Variants in SIL1 observed in about 807,000 individuals in gnomAD.
SIL1 encodes SIL1 nucleotide exchange factor, also known as nucleotide exchange factor SIL1.
In SIL1, 40 loss-of-function variants were observed where a neutral mutation model predicts 49.1. That is an observed-to-expected ratio of 0.81 (90% CI 0.63 to 1.06). SIL1 has a LOEUF of 1.06. Among genes scored for constraint, SIL1 ranks in the 50% least tolerant of loss-of-function variants. The pLI is 0.00. For missense variants in SIL1, 500 were observed against 572.6 expected (o/e 0.87, Z 1.29); for synonymous variants, 253 against 250.8 (o/e 1.01, Z -0.08).
chr5:139,157,604 C>T (rs1052544572), intron 1 of SIL1, among the ~76,000 whole-genome samples: 2 of 152,196 alleles, frequency 1.3e-5, no homozygotes, highest in African/African-American at 4.8e-5. Context: ...ACCCAAAATG[C>T]ACTTTTTGAA....
chr5:138,962,397 C>T lies in SIL1; in HGVS notation c.768-10513G>A, dbSNP rs534043823. Among the ~76,000 whole-genome samples, 79 of 151,988 alleles carry T rather than the reference C, an allele frequency of 5.2e-4. 3 individuals are homozygous for T. In the South Asian group the frequency reaches 0.015, roughly 29 times the overall value. On this transcript the variant is annotated intron_variant, in intron 7 of 9. Coordinates refer to ENST00000394817, the MANE Select transcript of SIL1 (RefSeq NM_022464.5). Reference sequence around the variant, plus strand: ...AGTCAGAGAGACCTAGGTGAAAGTCCGAGATTCTAGTGTTTTCAGCTGTGT... The same window carrying T: ...AGTCAGAGAGACCTAGGTGAAAGTCTGAGATTCTAGTGTTTTCAGCTGTGT...
At chr5:138,966,142 TC>T (rs531260647) in intron 7 of SIL1, among the ~76,000 whole-genome samples, 287 of 152,216 alleles carry the variant, frequency 1.9e-3, no homozygotes, top group African/African-American at 6.7e-3. Context: ...TTCAACAAGT[TC>T]AATATTGCTA....
intron 7 of SIL1, among the ~76,000 whole-genome samples, chr5:138,984,908 G>A (rs761132211): frequency 7.2e-5 from 11 of 152,298 alleles, no homozygotes; most frequent in Non-Finnish European, 1.5e-4. Context: ...CTTCTCAGGC[G>A]CTATTCTTCA....
rs113963973 is a variant in SIL1, at chr5:139,158,716, A to G, written c.-10-30863T>C. On this transcript the variant is annotated intron_variant, in intron 1 of 9. Transcript: ENST00000394817. ...AAAGCCTTTCAGTTAATGGCAGATG[A>G]GAAAAAAAGGTAAAATAATTTTTTA... 2.2e-3 allele frequency among the ~76,000 whole-genome samples: 340 copies of G among 152,358 alleles called. 3 individuals carry two copies. Among genetic ancestry groups the G allele is most frequent in the African/African-American group, 7.9e-3 (328 of 41,584 alleles).
At chr5:139,147,244 GT>G (rs1751211644) in intron 1 of SIL1, among the ~76,000 whole-genome samples, 1 of 152,064 alleles carries the variant, frequency 6.6e-6, no homozygotes, top group African/African-American at 2.4e-5. Flanking sequence ...CTCCAAAGAG[GT>G]ATCTAATCTG....
intron 7 of SIL1, among the ~76,000 whole-genome samples, chr5:138,981,964 T>A (rs927595269): frequency 2.6e-5 from 4 of 152,148 alleles, no homozygotes; most frequent in Non-Finnish European, 5.9e-5. Flanking sequence ...ACTAGGCAAG[T>A]ACTTAACCTC....
chr5:139,195,950 C>A (rs1055092275), intron 1 of SIL1, among the ~76,000 whole-genome samples: 1 of 152,058 alleles, frequency 6.6e-6, no homozygotes, highest in Non-Finnish European at 1.5e-5. Context: ...TTTAGGAGGC[C>A]AAGACAGAAG....
At position 139,153,560 on chromosome 5, in the gene SIL1, G is replaced by A. The variant is rs558508747; in HGVS notation, c.-10-25707C>T. ...GGTTCACCCCCTAAGCCAGTTACAC[G>A]CTTGCCACCACAACACCCACTTGCC... On this transcript the variant is annotated intron_variant, in intron 1 of 9. Transcript: ENST00000394817. Among the ~76,000 whole-genome samples, 4 of 152,142 alleles carry A rather than the reference G, an allele frequency of 2.6e-5. No individual in the cohort carries two copies. In the South Asian group the frequency reaches 6.2e-4, roughly 24 times the overall value.
intron 3 of SIL1, among the ~76,000 whole-genome samples, chr5:139,115,261 G>T (rs1256383577): frequency 6.6e-6 from 1 of 152,166 alleles, no homozygotes; most frequent in Non-Finnish European, 1.5e-5. Context: ...AATATGTGTA[G>T]TCTTTGACCC....
rs575535766 is a variant in SIL1, at chr5:139,103,040, C to T, written c.244+17995G>A. 3.3e-5 allele frequency among the ~76,000 whole-genome samples: 5 copies of T among 152,204 alleles called. No homozygotes were observed. In the South Asian group the frequency reaches 1.0e-3, roughly 32 times the overall value. ...ATCAAGAGCTTCTTAAGGGAAAGAT[C>T]CTGTCCTTTTGATCTTTGGTCTCCC... On this transcript the variant is annotated intron_variant, in intron 3 of 9. Transcript: ENST00000394817.
chr5:139,051,102 G>A lies in SIL1; in HGVS notation c.245-56C>T, dbSNP rs562191333. ...GGTACAAGGTCTTTGGAAGGCTGTC[G>A]GGATGGCCAGCAAGCCAACAGGACT... On this transcript the variant is annotated intron_variant, in intron 3 of 9. Transcript: ENST00000394817. 7.3e-5 allele frequency: 112 copies of A among 1,533,298 alleles called. No individual in the cohort carries two copies. In the South Asian group the frequency reaches 1.1e-3, roughly 15 times the overall value. The allele number at this position is 1,533,298 out of a possible 1,614,324, so 95.0% of individuals were successfully genotyped here.
intron 5 of SIL1, among the ~76,000 whole-genome samples, chr5:139,029,953 T>C (rs1440525642): frequency 6.6e-6 from 1 of 151,472 alleles, no homozygotes; most frequent in African/African-American, 2.4e-5. Flanking sequence ...ACCTGAGCAA[T>C]AGAGTGAGAC....
At chr5:139,143,342 C>CATATATATATAT (rs1254298733) in intron 1 of SIL1, among the ~76,000 whole-genome samples, 98 of 90,584 alleles carry the variant, frequency 1.1e-3, no homozygotes, top group African/African-American at 4.1e-3. Flanking sequence ...CACACACACA[C>CATATATATATAT]ACATATATAT....
chr5:138,951,878 G>C lies in SIL1; in HGVS notation c.774C>G (p.Pro258=). 6.2e-7 allele frequency: 1 copy of C among 1,613,626 alleles called. No homozygotes were observed. The highest frequency in any genetic ancestry group is 1.6e-4 in the Middle Eastern group (1 of 6,062). The change falls in exon 8 of 10, where the codon CCC becomes CCG. Residue 258 remains proline (P), a synonymous_variant. Coordinates refer to ENST00000394817, the MANE Select transcript of SIL1 (RefSeq NM_022464.5). The part of the protein sequence containing the change: ...FVLGAAFSSN[P]KVQVEAIEGG... ...CTTCGATGGCCTCCACCTGGACCTT[G>C]GGGTTGCTGGGGAAGAAGCACAGGA...
chr5:139,123,569 T>G (rs558693737), intron 2 of SIL1, among the ~76,000 whole-genome samples: 60 of 152,286 alleles, frequency 3.9e-4, no homozygotes, highest in African/African-American at 1.4e-3. Context: ...ACCCAGAGCC[T>G]ACATACACTA....
chr5:139,195,226 C>T (rs1752244141), intron 1 of SIL1, among the ~76,000 whole-genome samples: 1 of 152,112 alleles, frequency 6.6e-6, no homozygotes, highest in African/African-American at 2.4e-5. Flanking sequence ...GCCACCGCAC[C>T]CGGCCAGAGA....
chr5:138,993,295 T>C (rs575968754), intron 7 of SIL1, among the ~76,000 whole-genome samples: 1 of 152,296 alleles, frequency 6.6e-6, no homozygotes, highest in African/African-American at 2.4e-5. Context: ...GATGGCATCC[T>C]AGTGTGACTC....
At chr5:139,101,668 G>A (rs1367253688) in intron 3 of SIL1, among the ~76,000 whole-genome samples, 3 of 152,202 alleles carry the variant, frequency 2.0e-5, no homozygotes, top group Admixed American at 6.5e-5. Context: ...CAGTCACCAT[G>A]CTCCCTGAGA....
At chr5:139,076,192 C>T (rs1769944599) in intron 3 of SIL1, among the ~76,000 whole-genome samples, 1 of 152,202 alleles carries the variant, frequency 6.6e-6, no homozygotes, top group Non-Finnish European at 1.5e-5. Context: ...GTACCGGAAT[C>T]AGTTCCAAGG....
Sources: allele counts gnomAD v4.1 joint callset (sites outside exome capture counted in the v4.1 genomes callset), GRCh38; gene constraint gnomAD v4.1.1; transcripts MANE v1.5; gene names NCBI Gene and HGNC (gene_info 2026-07-23, HGNC 2026-07-21).